Variants in PARD6G observed in about 807,000 individuals in gnomAD.
The protein encoded by PARD6G is par-6 family cell polarity regulator gamma.
PARD6G carries 7 observed loss-of-function variants against 10.7 expected under a neutral mutation model. That is an observed-to-expected ratio of 0.66 (90% CI 0.37 to 1.23). PARD6G has a LOEUF of 1.23. PARD6G is among the 50% of genes most tolerant of loss of function. PARD6G has a pLI of 0.02. For missense variants in PARD6G, 548 were observed against 571.8 expected (o/e 0.96, Z 0.42); for synonymous variants, 287 against 269.4 (o/e 1.07, Z -0.64).
chr18:80,209,894 T>C (rs2145286002), intron 1 of PARD6G, among the ~76,000 whole-genome samples: 1 of 152,348 alleles, frequency 6.6e-6, no homozygotes, highest in East Asian at 1.9e-4. Context: ...AACATCATTA[T>C]ACTATAAATA....
chr18:80,157,814 A>AC lies in PARD6G; in HGVS notation c.*1956_*1957insG, dbSNP rs1413737884. The stretch of plus-strand genomic sequence containing the variant: ...AACTCCTCAGCAAAAGCTATTTCTT[A>AC]AAAATAGAACTTGCTTTTCACTTAA... On this transcript the variant is annotated 3_prime_UTR_variant, in exon 3 of 3. Transcript: ENST00000353265. 1 of 152,242 alleles carries AC rather than the reference A, an allele frequency of 6.6e-6. No homozygotes were observed. Among genetic ancestry groups the AC allele is most frequent in the African/African-American group, 2.4e-5 (1 of 41,464 alleles). 9.4% of individuals were successfully genotyped at this position (152,242 alleles called of 1,614,324 possible).
At chr18:80,202,601 C>A in intron 2 of PARD6G, 109 bp downstream of exon 2, 3 of 819,160 alleles carry the variant, frequency 3.7e-6, no homozygotes, top group Non-Finnish European at 5.9e-6. Context: ...TCTCCTACTA[C>A]AGGTTAGAAA....
At chr18:80,198,147 C>T (rs2145277634) in intron 2 of PARD6G, among the ~76,000 whole-genome samples, 1 of 152,320 alleles carries the variant, frequency 6.6e-6, no homozygotes, top group Non-Finnish European at 1.5e-5. Context: ...GAGAGAACGT[C>T]CGGATCATCC....
intron 1 of PARD6G, among the ~76,000 whole-genome samples, chr18:80,217,091 G>T (rs1967176052): frequency 6.6e-6 from 1 of 152,074 alleles, no homozygotes; most frequent in South Asian, 2.1e-4. Flanking sequence ...AGAAAGTAAA[G>T]AAGTGCCCCA....
intron 1 of PARD6G, among the ~76,000 whole-genome samples, chr18:80,229,108 T>G (rs1485316527): frequency 6.6e-6 from 1 of 152,036 alleles, no homozygotes; most frequent in Non-Finnish European, 1.5e-5. Flanking sequence ...CCGGCTAATT[T>G]TTTGTATTTT....
chr18:80,223,932 G>A (rs1360472167), intron 1 of PARD6G, among the ~76,000 whole-genome samples: 1 of 152,206 alleles, frequency 6.6e-6, no homozygotes, highest in African/African-American at 2.4e-5. Flanking sequence ...TATGAGGTTT[G>A]GTCCAACCCA....
At chr18:80,165,836 C>T (rs1290803265) in intron 2 of PARD6G, among the ~76,000 whole-genome samples, 1 of 152,206 alleles carries the variant, frequency 6.6e-6, no homozygotes, top group Admixed American at 6.5e-5. Context: ...AATCCCAGCA[C>T]TTTGGAAGGC....
intron 1 of PARD6G, among the ~76,000 whole-genome samples, chr18:80,232,610 T>G (rs1011903136): frequency 6.6e-6 from 1 of 152,086 alleles, no homozygotes; most frequent in Non-Finnish European, 1.5e-5. Context: ...GCCCCCATGA[T>G]TCAAATTATC....
chr18:80,206,755 C>A (rs932263262), intron 1 of PARD6G, among the ~76,000 whole-genome samples: 2 of 152,078 alleles, frequency 1.3e-5, no homozygotes, highest in Non-Finnish European at 2.9e-5. Flanking sequence ...CCTCATTTAT[C>A]AATAAATACT....
intron 2 of PARD6G, among the ~76,000 whole-genome samples, chr18:80,190,625 G>A (rs895553048): frequency 2.0e-5 from 3 of 152,134 alleles, no homozygotes; most frequent in Admixed American, 6.5e-5. Flanking sequence ...AAAGTCACAC[G>A]GCCTCTCCAG....
intron 1 of PARD6G, among the ~76,000 whole-genome samples, chr18:80,216,640 A>G (rs964022888): frequency 1.3e-5 from 2 of 152,162 alleles, no homozygotes; most frequent in Non-Finnish European, 2.9e-5. Flanking sequence ...GGAAATGTAC[A>G]GCTGTAAACA....
At chr18:80,171,564 T>C (rs918809080) in intron 2 of PARD6G, 1 of 152,284 alleles carries the variant, frequency 6.6e-6, no homozygotes, top group Non-Finnish European at 1.5e-5. Flanking sequence ...GTGTTCACAA[T>C]AGAGTGGAAC....
Position 80,186,960 on chromosome 18 carries a change from G to A in PARD6G, c.295+15750C>T, listed in dbSNP as rs186169794. 3.1e-3 allele frequency among the ~76,000 whole-genome samples: 465 copies of A among 152,238 alleles called. 4 individuals are homozygous for A. The highest frequency in any genetic ancestry group is 0.01 in the African/African-American group (433 of 41,544). On this transcript the variant is annotated intron_variant, in intron 2 of 2. Coordinates refer to ENST00000353265, the MANE Select transcript of PARD6G (RefSeq NM_032510.4). ...AAAAATACAAAGAAATTAGCCGGGCGTGGTGGCGGGCACCTGTAGTCCCAG... is the reference window on the plus strand; with the variant it reads ...AAAAATACAAAGAAATTAGCCGGGCATGGTGGCGGGCACCTGTAGTCCCAG...
At chr18:80,205,607 C>G (rs929161344) in intron 1 of PARD6G, among the ~76,000 whole-genome samples, 1 of 152,136 alleles carries the variant, frequency 6.6e-6, no homozygotes, top group African/African-American at 2.4e-5. Flanking sequence ...TAGCACCTTC[C>G]CCCTCTTTTA....
In PARD6G at chr18:80,246,796, G is replaced by A. The variant is rs1043881569; in HGVS notation, c.72+481C>T. ...GGGGGACGCCGGGCTCGGAGCCGGCGGCAAGTCTCCTCCTGGCAGGTAACA... is the reference window on the plus strand; with the variant it reads ...GGGGGACGCCGGGCTCGGAGCCGGCAGCAAGTCTCCTCCTGGCAGGTAACA... On this transcript the variant is annotated intron_variant, in intron 1 of 2. Coordinates refer to ENST00000353265, the MANE Select transcript of PARD6G (RefSeq NM_032510.4). The surrounding 1 kb of genome is among the most constrained non-coding windows in gnomAD (Gnocchi z 6.7). 6.6e-6 allele frequency among the ~76,000 whole-genome samples: 1 copy of A among 151,962 alleles called. No individual in the cohort carries two copies. Among genetic ancestry groups the A allele is most frequent in the Non-Finnish European group, 1.5e-5 (1 of 67,922 alleles).
intron 2 of PARD6G, among the ~76,000 whole-genome samples, chr18:80,186,974 C>T (rs1018155712): frequency 1.1e-4 from 16 of 152,112 alleles, no homozygotes; most frequent in Non-Finnish European, 2.2e-4. Context: ...TGGCGGGCAC[C>T]TGTAGTCCCA....
chr18:80,165,222 T>C (rs905870721), intron 2 of PARD6G, among the ~76,000 whole-genome samples: 48 of 152,276 alleles, frequency 3.2e-4, no homozygotes, highest in Non-Finnish European at 5.9e-4. Context: ...AGAGTGGCCA[T>C]TTATAGACCT....
chr18:80,193,676 G>C (rs374704459), intron 2 of PARD6G, among the ~76,000 whole-genome samples: 1 of 152,258 alleles, frequency 6.6e-6, no homozygotes. Flanking sequence ...TAAAAAGTAA[G>C]TCATTAATAT....
At position 80,159,808 on chromosome 18, in the gene PARD6G, C is replaced by T; in HGVS notation, c.1094G>A (p.Gly365Asp). Reference protein sequence around the residue: ...DPRHSLALPPGGVEEHGPAVT... With the variant: ...DPRHSLALPPDGVEEHGPAVT... ...CGCGGGCCCGTGCTCCTCCACGCCG[C>T]CTGGCGGCAGCGCCAGGCTGTGACG... The change falls in exon 3 of 3, where the codon GGC (glycine) becomes GAC (aspartate). Residue 365 changes from glycine to aspartate, a missense_variant. By Grantham distance (94) the Gly-to-Asp change is moderately conservative. This residue lies in a region of PARD6G where 313 missense variants were observed against 279.9 expected (regional missense o/e 1.12). Transcript: ENST00000353265. 6.9e-7 allele frequency: 1 copy of T among 1,459,438 alleles called. No homozygotes were observed. The allele number at this position is 1,459,438 out of a possible 1,614,324, so 90.4% of individuals were successfully genotyped here.
Sources: allele counts gnomAD v4.1 joint callset (sites outside exome capture counted in the v4.1 genomes callset), GRCh38; gene constraint gnomAD v4.1.1; regional missense constraint gnomAD v4.1.1; non-coding constraint Gnocchi (gnomAD v3.1); transcripts MANE v1.5; gene names NCBI Gene and HGNC (gene_info 2026-07-23, HGNC 2026-07-21).